Variants in MIA2 observed in about 807,000 individuals in gnomAD.
MIA2 encodes MIA SH3 domain ER export factor 2.
A neutral mutation model predicts 167.8 loss-of-function variants in MIA2; 127 were observed. The observed-to-expected ratio is 0.76, with a 90% CI of 0.66 to 0.88. MIA2 has a LOEUF of 0.88. Among genes scored for constraint, MIA2 ranks in the 40% least tolerant of loss-of-function variants. The probability of loss-of-function intolerance (pLI) is 0.00; values close to 1 mark genes in which losing one functional copy is unlikely to be tolerated. For missense variants in MIA2, 1,690 were observed against 1,624.7 expected (o/e 1.04, Z -0.69); for synonymous variants, 552 against 541.9 (o/e 1.02, Z -0.26).
chr14:39,273,541 A>G (rs1389633322), intron 6 of MIA2, among the ~76,000 whole-genome samples: 1 of 152,200 alleles, frequency 6.6e-6, no homozygotes, highest in African/African-American at 2.4e-5. Flanking sequence ...TGTTTTGACT[A>G]TGAAACGGTG....
intron 10 of MIA2, among the ~76,000 whole-genome samples, chr14:39,291,962 G>A (rs150032035): frequency 1.2e-3 from 185 of 152,270 alleles, no homozygotes; most frequent in African/African-American, 4.0e-3. Context: ...TTTGATAAGC[G>A]TCTAGTACAG....
intron 25 of MIA2, among the ~76,000 whole-genome samples, chr14:39,340,030 A>G (rs2071432031): frequency 6.6e-6 from 1 of 152,068 alleles, no homozygotes; most frequent in East Asian, 1.9e-4. Context: ...TTCTGTAGAG[A>G]CGGGGCCTCA....
rs534511396 is a variant in MIA2 at position 39,260,221 on chromosome 14, C to T, written c.1887+7050C>T. 5.3e-5 allele frequency among the ~76,000 whole-genome samples: 8 copies of T among 152,300 alleles called. No homozygotes were observed. In the East Asian group the frequency reaches 1.5e-3, roughly 29 times the overall value. ...ATTTATAATCCTTTGGGTATATACC[C>T]AGTAATGGGATCCCTGGGTCAAATG... On this transcript the variant is annotated intron_variant, in intron 6 of 28. Coordinates refer to ENST00000640607, the MANE Select transcript of MIA2 (RefSeq NM_001329214.4).
intron 4 of MIA2, among the ~76,000 whole-genome samples, chr14:39,250,996 AAGAG>A (rs202143828): frequency 1.5e-3 from 221 of 152,236 alleles, no homozygotes; most frequent in African/African-American, 5.1e-3. Flanking sequence ...AGCATCCTAA[AAGAG>A]AGATTTCTAT....
Position 39,252,978 on chromosome 14 carries a change from G to T in MIA2, c.1786+12G>T. Reference sequence around the variant, plus strand: ...TATTTCTCAGAAAGGTAAGAAACAGGTTATTTATTCTCTAATGCATCAATT... The same window carrying T: ...TATTTCTCAGAAAGGTAAGAAACAGTTTATTTATTCTCTAATGCATCAATT... On this transcript the variant is annotated intron_variant, in intron 5 of 28. Coordinates refer to ENST00000640607, the MANE Select transcript of MIA2 (RefSeq NM_001329214.4). 1.3e-6 allele frequency: 2 copies of T among 1,590,280 alleles called. No individual in the cohort carries two copies. Among genetic ancestry groups the T allele is most frequent in the Non-Finnish European group, 8.6e-7 (1 of 1,165,310 alleles).
At chr14:39,351,073 A>G (rs957849057), downstream of MIA2, 3 of 151,970 alleles carry the variant, frequency 2.0e-5, no homozygotes, top group Admixed American at 1.3e-4. Context: ...TGAGCTTTGG[A>G]CTCAATATCT....
intron 24 of MIA2, among the ~76,000 whole-genome samples, chr14:39,324,376 C>T (rs1338994068): frequency 1.3e-5 from 2 of 152,156 alleles, no homozygotes; most frequent in Admixed American, 6.5e-5. Flanking sequence ...ATTTGGGGAA[C>T]TTAATAGAAT....
chr14:39,359,724 G>A (rs2074631099), intron 23 of MIA2, among the ~76,000 whole-genome samples: 1 of 152,108 alleles, frequency 6.6e-6, no homozygotes, highest in South Asian at 2.1e-4. Flanking sequence ...CTTAATTCTT[G>A]TGTCCATTGA....
intron 21 of MIA2, among the ~76,000 whole-genome samples, chr14:39,317,562 A>G (rs1458677556): frequency 6.6e-6 from 1 of 152,162 alleles, no homozygotes; most frequent in Non-Finnish European, 1.5e-5. Context: ...ATTTGAGGGT[A>G]GGGGGATAAT....
chr14:39,298,544 T>TTTTTTTG (rs2061861600), intron 13 of MIA2, among the ~76,000 whole-genome samples: 1 of 138,388 alleles, frequency 7.2e-6, no homozygotes, highest in Non-Finnish European at 1.6e-5. Context: ...TTTTTTTTTT[T>TTTTTTTG]TTTTTTTTTT....
At chr14:39,351,157 G>A (rs2074351288), downstream of MIA2, 1 of 152,048 alleles carries the variant, frequency 6.6e-6, no homozygotes, top group Admixed American at 6.6e-5. Context: ...GGAAGGAAAG[G>A]CAGTGAAGCA....
At chr14:39,263,336 T>C (rs1443066921) in intron 6 of MIA2, among the ~76,000 whole-genome samples, 1 of 152,178 alleles carries the variant, frequency 6.6e-6, no homozygotes, top group Admixed American at 6.5e-5. Context: ...TTGTGTATGT[T>C]GAACCAGCCT....
chr14:39,342,027 T>G (rs201355077), intron 25 of MIA2, among the ~76,000 whole-genome samples: 2 of 151,854 alleles, frequency 1.3e-5, no homozygotes, highest in Non-Finnish European at 2.9e-5. Context: ...AAAAAAAAAA[T>G]TTTATTATAC....
chr14:39,347,574 C>A, intron 26 of MIA2, 139 bp from the exon 27 acceptor site: 1 of 748,862 alleles, frequency 1.3e-6, no homozygotes, highest in Non-Finnish European at 2.2e-6. Flanking sequence ...GTTCTTGTGG[C>A]CGCAATATAG....
intron 9 of MIA2, among the ~76,000 whole-genome samples, chr14:39,283,718 C>A (rs1156653999): frequency 6.6e-6 from 1 of 152,136 alleles, no homozygotes; most frequent in Non-Finnish European, 1.5e-5. Context: ...AAGGTAGTAT[C>A]TCATTGTGTT....
At chr14:39,320,657 T>C (rs2066254039) in intron 23 of MIA2, among the ~76,000 whole-genome samples, 1 of 152,238 alleles carries the variant, frequency 6.6e-6, no homozygotes, top group Non-Finnish European at 1.5e-5. Context: ...CTTTGCTTAA[T>C]ATAAATGATT....
chr14:39,371,010 T>C (rs1453182924), intron 23 of MIA2, among the ~76,000 whole-genome samples: 1 of 152,240 alleles, frequency 6.6e-6, no homozygotes, highest in Non-Finnish European at 1.5e-5. Flanking sequence ...TGTAATTATG[T>C]GTGTCTGGAA....
At chr14:39,261,516 G>A (rs927963222) in intron 6 of MIA2, among the ~76,000 whole-genome samples, 1 of 152,102 alleles carries the variant, frequency 6.6e-6, no homozygotes, top group African/African-American at 2.4e-5. Flanking sequence ...GTAATAGGAT[G>A]GCTGGGTCAA....
chr14:39,298,443 A>ATATATATATATATATATG (rs1372100362), intron 13 of MIA2, among the ~76,000 whole-genome samples: 1 of 50,056 alleles, frequency 2.0e-5, no homozygotes, highest in African/African-American at 9.4e-5. Context: ...ATATATATAT[A>ATATATATATATATATATG]AAGATTAGTT....
Sources: gnomAD v4.1 joint callset for allele counts (sites outside exome capture counted in the v4.1 genomes callset) on GRCh38, gnomAD v4.1.1 for gene constraint, MANE v1.5 for transcripts, NCBI Gene and HGNC (gene_info 2026-07-23, HGNC 2026-07-21) for gene names.